The following MED13 variants were observed in gnomAD, a reference collection of about 807,000 sequenced individuals.
The protein encoded by MED13 is mediator of RNA polymerase II transcription subunit 13.
A neutral mutation model predicts 225.2 loss-of-function variants in MED13; 23 were observed. That is an observed-to-expected ratio of 0.10 (90% confidence interval 0.07 to 0.14). The LOEUF is 0.14. MED13 is among the 10% of genes least tolerant of loss of function. The probability of loss-of-function intolerance (pLI) is 1.00; values close to 1 mark genes in which losing one functional copy is unlikely to be tolerated. For synonymous variants in MED13, 942 were observed against 889.2 expected (o/e 1.06, Z -1.06); for missense variants, 2,197 against 2,594.5 (o/e 0.85, Z 3.33).
At chr17:62,036,332 AATAT>A (rs2080803293) in intron 3 of MED13, among the ~76,000 whole-genome samples, 1 of 152,146 alleles carries the variant, frequency 6.6e-6, no homozygotes, top group African/African-American at 2.4e-5. Context: ...TAGAATCAAG[AATAT>A]ATGCAAAACA....
chr17:61,972,801 G>A lies in MED13; in HGVS notation c.3893C>T (p.Thr1298Ile), dbSNP rs1183190720. 2 of 1,613,892 alleles carry A rather than the reference G, an allele frequency of 1.2e-6. No homozygotes were observed. The highest frequency in any genetic ancestry group is 2.2e-5 in the East Asian group (1 of 44,844). The change falls in exon 17 of 30, where the codon ACA becomes ATA. Residue 1298 changes from threonine (T) to isoleucine (I), a missense_variant. Around this residue, in one of 12 missense-constraint regions of MED13, gnomAD observed 203 missense variants for 209.7 expected, o/e 0.97. Transcript: ENST00000397786. ...VLQDAIQKKR[T>I]VRPWGVQGPL... is the part of the protein sequence containing the mutation. ...ACCCTGAACACCCCAAGGTCTTACT[G>A]TTCTTTTTTTCTGAATGGCATCCTG... is the stretch of plus-strand genomic sequence containing the variant.
intron 15 of MED13, among the ~76,000 whole-genome samples, chr17:61,983,901 G>T (rs373250296): frequency 3.6e-4 from 55 of 152,028 alleles, no homozygotes; most frequent in African/African-American, 1.3e-3. Context: ...GCTAATTTTT[G>T]TATTTTTAGT....
In MED13 at chr17:61,956,464, CT is replaced by C; in HGVS notation, c.5497del (p.Ser1833ValfsTer16). The C allele has an allele frequency of 1.2e-6, 2 of 1,611,826 alleles. No homozygotes were observed. Among genetic ancestry groups the C allele is most frequent in the South Asian group, 1.1e-5 (1 of 90,476 alleles). On this transcript the variant is annotated frameshift_variant, in exon 24 of 30. Coordinates refer to ENST00000397786, the MANE Select transcript of MED13 (RefSeq NM_005121.3). LOFTEE classifies it high-confidence loss of function. ...DVPNRARRKK[S>X]SARKFGLQKL... The stretch of plus-strand genomic sequence containing the variant: ...CTGTAGACCAAATTTTCTAGCAGAA[CT>C]TTTTTTCCGACGAGCCCTATTGTGT...
intron 27 of MED13, among the ~76,000 whole-genome samples, chr17:61,952,251 T>G (rs976865220): frequency 2.6e-5 from 4 of 152,204 alleles, no homozygotes; most frequent in African/African-American, 9.7e-5. Context: ...TCGTTTTTAC[T>G]TCAAATATAA....
chr17:61,989,713 C>T (rs961255355), intron 11 of MED13, among the ~76,000 whole-genome samples: 4 of 152,210 alleles, frequency 2.6e-5, no homozygotes, highest in Admixed American at 2.6e-4. Context: ...TCAAGCAATT[C>T]TCCTACTGTG....
chr17:61,962,400 CTT>C (rs575583487), intron 21 of MED13, among the ~76,000 whole-genome samples: 2 of 152,258 alleles, frequency 1.3e-5, no homozygotes, highest in African/African-American at 4.8e-5. Flanking sequence ...CTTCTAACAA[CTT>C]AATATGGTTA....
chr17:62,014,845 T>A (rs2080547539), intron 8 of MED13, among the ~76,000 whole-genome samples: 1 of 152,208 alleles, frequency 6.6e-6, no homozygotes, highest in Admixed American at 6.5e-5. Context: ...TAAATCCAAT[T>A]ACTGTAAATT....
intron 1 of MED13, 136 bp from the exon 2 acceptor site, chr17:62,063,437 C>CA (rs992427176): frequency 3.5e-6 from 2 of 567,240 alleles, no homozygotes; most frequent in Non-Finnish European, 3.0e-6. Context: ...CAAATTAGAA[C>CA]AAAAAAAGAC....
At chr17:61,996,648 A>AC (rs2143524828) in intron 9 of MED13, among the ~76,000 whole-genome samples, 1 of 152,318 alleles carries the variant, frequency 6.6e-6, no homozygotes, top group South Asian at 2.1e-4. Context: ...GTCTTTGCTT[A>AC]AATGTCACCT....
At chr17:62,052,180 T>C (rs1003661553) in intron 3 of MED13, among the ~76,000 whole-genome samples, 20 of 152,168 alleles carry the variant, frequency 1.3e-4, no homozygotes, top group African/African-American at 4.3e-4. Flanking sequence ...ACAGGTGTTG[T>C]TACTTAATTT....
intron 9 of MED13, among the ~76,000 whole-genome samples, chr17:61,997,629 A>G (rs1319916981): frequency 6.6e-6 from 1 of 152,204 alleles, no homozygotes; most frequent in African/African-American, 2.4e-5. Context: ...ATTATGTAAA[A>G]TCAAGGGCTT....
At chr17:61,975,943 G>C (rs975113423) in intron 16 of MED13, among the ~76,000 whole-genome samples, 19 of 152,148 alleles carry the variant, frequency 1.2e-4, no homozygotes, top group Admixed American at 1.2e-3. Flanking sequence ...TTGAACCTGG[G>C]AGGTGGAGGT....
At chr17:61,954,641 G>C (rs1603390702) in intron 26 of MED13, among the ~76,000 whole-genome samples, 1 of 152,248 alleles carries the variant, frequency 6.6e-6, no homozygotes, top group East Asian at 1.9e-4. Context: ...GCCAGGCATG[G>C]TGGCATGTGC....
At position 62,010,583 on chromosome 17, in the gene MED13, G is replaced by A; in HGVS notation, c.1934C>T (p.Pro645Leu). 6.8e-7 allele frequency: 1 copy of A among 1,470,970 alleles called. No individual in the cohort carries two copies. Among genetic ancestry groups the A allele is most frequent in the Non-Finnish European group, 9.0e-7 (1 of 1,108,892 alleles). The allele number at this position is 1,470,970 out of a possible 1,614,324, so 91.1% of individuals were successfully genotyped here. A position where few individuals can be genotyped will look rare whatever the true frequency, so the allele number is the denominator to read the frequency against. Residue 645 changes from proline to leucine, a missense_variant, in exon 9 of 30, where the codon CCT becomes CTT. Coordinates refer to ENST00000397786, the MANE Select transcript of MED13 (RefSeq NM_005121.3). ...SDKFKDDPVG[P>L]FGQESVTSVT... ...TGATGTTACACTTTCCTGTCCAAAA[G>A]GTCCAACTGGATCATCCTTGAATTT... is the stretch of plus-strand genomic sequence containing the variant.
intron 8 of MED13, among the ~76,000 whole-genome samples, chr17:62,028,350 C>T (rs2080722101): frequency 1.3e-5 from 2 of 152,062 alleles, no homozygotes; most frequent in South Asian, 4.1e-4. Flanking sequence ...GATGAGAACT[C>T]ATGGACACAA....
rs146333869 is a variant in MED13, at chr17:62,011,401, T to C, written c.1284-168A>G. 7.5e-3 allele frequency among the ~76,000 whole-genome samples: 1,139 copies of C among 152,286 alleles called. 9 individuals carry two copies. The highest frequency in any genetic ancestry group is 0.025 in the African/African-American group (1,034 of 41,560). ...GGAAAAAAATACTTTGCTCGTGACC[T>C]AAATAAAATATAAGGGCATGCAGAA... On this transcript the variant is annotated intron_variant, in intron 8 of 29. Coordinates refer to ENST00000397786, the MANE Select transcript of MED13 (RefSeq NM_005121.3).
intron 18 of MED13, among the ~76,000 whole-genome samples, chr17:61,967,270 T>C (rs2080067264): frequency 2.0e-5 from 3 of 152,182 alleles, no homozygotes; most frequent in Admixed American, 2.0e-4. Context: ...ATATACAATG[T>C]TTCCCCAAGC....
intron 3 of MED13, among the ~76,000 whole-genome samples, chr17:62,039,648 A>G (rs1054468156): frequency 4.1e-5 from 6 of 146,748 alleles, no homozygotes; most frequent in Non-Finnish European, 8.9e-5. Context: ...TTGGAGTGCA[A>G]TGGCGTGATC....
At chr17:62,006,681 C>T (rs2080451853) in intron 9 of MED13, 1 of 152,262 alleles carries the variant, frequency 6.6e-6, no homozygotes, top group African/African-American at 2.4e-5. Context: ...AATCCCAGCA[C>T]TTTGGGAGGC....
Sources: allele counts gnomAD v4.1 joint callset (sites outside exome capture counted in the v4.1 genomes callset), GRCh38; gene constraint gnomAD v4.1.1; regional missense constraint gnomAD v4.1.1; transcripts MANE v1.5; gene names NCBI Gene and HGNC (gene_info 2026-07-23, HGNC 2026-07-21).